NFASC: variants seen among roughly 807,000 people sequenced by gnomAD.
NFASC encodes neurofascin, also known as neurofascin homolog.
A neutral mutation model predicts 147.5 loss-of-function variants in NFASC; 43 were observed. The ratio of observed to expected loss-of-function variants is 0.29; its 90% CI spans 0.23 to 0.38. The LOEUF (loss-of-function observed/expected upper bound fraction) is 0.38, where lower values mean the gene tolerates loss of function less well. NFASC is among the 10% of genes least tolerant of loss of function. The probability of loss-of-function intolerance (pLI) is 1.00; values close to 1 mark genes in which losing one functional copy is unlikely to be tolerated. For synonymous variants in NFASC, 622 were observed against 665.5 expected (o/e 0.93, Z 1.01); for missense variants, 1,320 against 1,689.0 (o/e 0.78, Z 3.83).
chr1:204,911,254 A>G (rs1266637698), intron 1 of NFASC, among the ~76,000 whole-genome samples: 1 of 152,200 alleles, frequency 6.6e-6, no homozygotes, highest in East Asian at 1.9e-4. Context: ...GATGAGTTTT[A>G]AAATATAGAA....
chr1:204,887,845 G>T (rs75618409), intron 1 of NFASC, among the ~76,000 whole-genome samples: 2 of 152,012 alleles, frequency 1.3e-5, no homozygotes, highest in Admixed American at 6.6e-5. Flanking sequence ...CAATCAGCCC[G>T]CCTTGGCCTC....
At chr1:204,910,918 C>T (rs1191488581) in intron 1 of NFASC, among the ~76,000 whole-genome samples, 1 of 152,064 alleles carries the variant, frequency 6.6e-6, no homozygotes, top group Non-Finnish European at 1.5e-5. Flanking sequence ...GGCCTATATG[C>T]ATTTTATTTC....
chr1:204,875,022 A>G (rs2078476267), intron 1 of NFASC, among the ~76,000 whole-genome samples: 1 of 152,144 alleles, frequency 6.6e-6, no homozygotes, highest in Admixed American at 6.5e-5. Context: ...TGACTTGCCT[A>G]AGGTTACACA....
Position 204,944,220 on chromosome 1 carries a change from C to T in NFASC, c.-90-6C>T, listed in dbSNP as rs1301355499. ...AACTCACTTGCTCTTATGTTTCTTT[C>T]CACAGCTGAGTGCTGTCCAGGAGGC... On this transcript the variant is annotated splice_region_variant and splice_polypyrimidine_tract_variant and intron_variant, in intron 2 of 29. Coordinates refer to ENST00000339876, the MANE Select transcript of NFASC (RefSeq NM_001005388.3). 1 of 1,554,418 alleles carries T rather than the reference C, an allele frequency of 6.4e-7. No homozygotes were observed. Among genetic ancestry groups the T allele is most frequent in the Non-Finnish European group, 8.7e-7 (1 of 1,151,488 alleles).
At position 204,885,230 on chromosome 1, in the gene NFASC, T is replaced by A. The variant is rs565474268; in HGVS notation, c.-199-35402T>A. 5.9e-5 allele frequency among the ~76,000 whole-genome samples: 9 copies of A among 152,296 alleles called. No individual in the cohort carries two copies. The South Asian group carries it at 1.9e-3, about 32-fold the overall frequency. On this transcript the variant is annotated intron_variant, in intron 1 of 29. Transcript: ENST00000339876. ...ATTCAAAATAATATTTCACTTTTAG[T>A]ATCTCCTCTCACCCACCCATCACCC...
chr1:204,890,384 G>T (rs143477990), intron 1 of NFASC, among the ~76,000 whole-genome samples: 1 of 152,194 alleles, frequency 6.6e-6, no homozygotes, highest in Non-Finnish European at 1.5e-5. Context: ...TACAGGGCAG[G>T]CCTGGGGGCA....
intron 1 of NFASC, among the ~76,000 whole-genome samples, chr1:204,905,373 T>A (rs1459031588): frequency 6.6e-6 from 1 of 151,844 alleles, no homozygotes; most frequent in East Asian, 1.9e-4. Flanking sequence ...ATTTTCAGTT[T>A]TTTTTTTTTC....
chr1:204,927,590 A>G (rs1172483243), intron 2 of NFASC, among the ~76,000 whole-genome samples: 1 of 151,994 alleles, frequency 6.6e-6, no homozygotes, highest in African/African-American at 2.4e-5. Flanking sequence ...ATACTCTACA[A>G]AAGTATACTC....
intron 1 of NFASC, among the ~76,000 whole-genome samples, chr1:204,866,546 C>T (rs2077124944): frequency 6.6e-6 from 1 of 152,158 alleles, no homozygotes; most frequent in Non-Finnish European, 1.5e-5. Context: ...CCCTACAGCA[C>T]CCTGGGGCTG....
chr1:204,939,508 C>T (rs1293202775), intron 2 of NFASC, among the ~76,000 whole-genome samples: 3 of 152,216 alleles, frequency 2.0e-5, no homozygotes, highest in Non-Finnish European at 4.4e-5. Flanking sequence ...GGCCCCTCTT[C>T]TTCAGGCTCA....
rs577304852 is a variant in NFASC, at chr1:204,868,466, C to T, written c.-200+39684C>T. On this transcript the variant is annotated intron_variant, in intron 1 of 29. Transcript: ENST00000339876. ...TTACTAGAGCCACTCTGCATTGGCA[C>T]GGGCTGTCCTCTGTGAATGTGACCC... Among the ~76,000 whole-genome samples, 53 of 152,282 alleles carry T rather than the reference C, an allele frequency of 3.5e-4. 1 individual carries two copies. Among genetic ancestry groups the T allele is most frequent in the Middle Eastern group, 6.8e-3 (2 of 294 alleles).
At chr1:204,980,875 C>G (rs935665736) in intron 20 of NFASC, among the ~76,000 whole-genome samples, 1 of 152,146 alleles carries the variant, frequency 6.6e-6, no homozygotes, top group African/African-American at 2.4e-5. Context: ...TGAGATGTGT[C>G]CAGTACAGGC....
chr1:204,935,498 C>T (rs547948550), intron 2 of NFASC, among the ~76,000 whole-genome samples: 5 of 152,314 alleles, frequency 3.3e-5, no homozygotes, highest in African/African-American at 7.2e-5. Flanking sequence ...ACGTATTCAG[C>T]TTTCCTGGTC....
At chr1:204,878,770 C>T (rs189195158) in intron 1 of NFASC, among the ~76,000 whole-genome samples, 4 of 152,276 alleles carry the variant, frequency 2.6e-5, no homozygotes, top group Admixed American at 2.0e-4. Context: ...GTAGGAGAGT[C>T]GGCAGATCTG....
intron 24 of NFASC, among the ~76,000 whole-genome samples, chr1:204,996,297 A>T (rs1005868623): frequency 4.0e-5 from 6 of 151,878 alleles, no homozygotes; most frequent in African/African-American, 1.5e-4. Context: ...CATGCGCCTC[A>T]CTCTGCCTGG....
chr1:204,920,759 T>G lies in NFASC; in HGVS notation c.-91+19T>G, dbSNP rs1222954715. 8.4e-7 allele frequency: 1 copy of G among 1,183,720 alleles called. No individual in the cohort carries two copies. The allele number at this position is 1,183,720 out of a possible 1,614,324, so 73.3% of individuals were successfully genotyped here. A position where few individuals can be genotyped will look rare whatever the true frequency, so the allele number is the denominator to read the frequency against. The stretch of plus-strand genomic sequence containing the variant: ...AGAGAAGGTAAGCAGGACTTGGGCC[T>G]GGGGTATGTGTCATTGGAGGGGTGA... On this transcript the variant is annotated intron_variant, in intron 2 of 29. Transcript: ENST00000339876.
At chr1:204,993,759 A>AGCCCAGTCATGTGTCT (rs2095791394) in intron 24 of NFASC, 2 of 517,540 alleles carry the variant, frequency 3.9e-6, no homozygotes, top group Non-Finnish European at 7.7e-6. Flanking sequence ...ATGACATCCT[A>AGCCCAGTCATGTGTCT]GCCCAGTCAT....
At chr1:204,861,663 G>A (rs1246674565) in intron 1 of NFASC, among the ~76,000 whole-genome samples, 1 of 152,066 alleles carries the variant, frequency 6.6e-6, no homozygotes, top group Admixed American at 6.5e-5. Flanking sequence ...CTAATTTTTT[G>A]TATTTTTAGT....
intron 3 of NFASC, chr1:204,946,792 T>C (rs2490418): frequency 0.78 from 400,939 of 511,964 alleles, 160,659 homozygotes; most frequent in Non-Finnish European, 0.85. Context: ...CCACCATCCC[T>C]GGGCTGCCAG....
Sources: gnomAD v4.1 joint callset for allele counts (sites outside exome capture counted in the v4.1 genomes callset) on GRCh38, gnomAD v4.1.1 for gene constraint, MANE v1.5 for transcripts, NCBI Gene and HGNC (gene_info 2026-07-23, HGNC 2026-07-21) for gene names.